The following LIMCH1 variants were observed in gnomAD, a reference collection of about 807,000 sequenced individuals.
LIMCH1 encodes the protein LIM and calponin homology domains 1.
Under a neutral mutation model 176.5 loss-of-function variants are expected in LIMCH1, and 113 were observed. The observed-to-expected ratio is 0.64, with a 90% confidence interval of 0.55 to 0.75. The LOEUF (loss-of-function observed/expected upper bound fraction) is 0.75, where lower values mean the gene tolerates loss of function less well. Ranked by LOEUF, LIMCH1 falls within the 30% of genes least tolerant of loss-of-function variation. The pLI, the probability that LIMCH1 is intolerant of heterozygous loss-of-function variation, is 0.00. For missense variants in LIMCH1, 1,674 were observed against 1,814.9 expected, an observed-to-expected ratio of 0.92 and a Z score of 1.41; for synonymous variants, 619 against 645.9, an observed-to-expected ratio of 0.96 and a Z score of 0.63.
Position 41,360,862 on chromosome 4 carries a change from C to G in LIMCH1, c.22C>G (p.Leu8Val). 1 of 1,575,182 alleles carries G rather than the reference C, an allele frequency of 6.3e-7. No individual in the cohort carries two copies. The highest frequency in any genetic ancestry group is 8.6e-7 in the Non-Finnish European group (1 of 1,163,502). The stretch of plus-strand genomic sequence containing the variant: ...GCAAATGGCTTGTCCCGCTCTCGGT[C>G]TGGAAGCTCTTCAGCCCCTGCAGCC... The change falls in exon 1 of 27, where the codon CTG (leucine) becomes GTG (valine). Residue 8 changes from leucine to valine, a missense_variant. Physicochemically the swap from Leu to Val is conservative, Grantham distance 32. Coordinates refer to the LIMCH1 transcript ENST00000313860. The surrounding 1 kb of genome is among the most constrained non-coding windows in gnomAD (Gnocchi z 4.5).
In LIMCH1 at chr4:41,620,410, G is replaced by A. The variant is rs776474901; in HGVS notation, c.459-14G>A. ...GTCTGTTAGTTTGGTAAACCATATT[G>A]TCCAACTCACTAGCTTTCCTGAAAC... On this transcript the variant is annotated splice_polypyrimidine_tract_variant and intron_variant, in intron 6 of 31. Coordinates refer to ENST00000503057, the MANE Select transcript of LIMCH1 (RefSeq NM_001330672.2). 22 of 1,534,062 alleles carry A rather than the reference G, an allele frequency of 1.4e-5. No individual in the cohort carries two copies. The highest frequency in any genetic ancestry group is 3.9e-5 in the Admixed American group (2 of 50,934).
At chr4:41,448,345 G>A (rs2063492438) in intron 1 of LIMCH1, among the ~76,000 whole-genome samples, 1 of 152,164 alleles carries the variant, frequency 6.6e-6, no homozygotes, top group Non-Finnish European at 1.5e-5. Context: ...GGTGATGTCT[G>A]ATTGAGAAGG....
chr4:41,581,112 G>GTCTGTCTA (rs577625607), intron 1 of LIMCH1, among the ~76,000 whole-genome samples: 4 of 132,986 alleles, frequency 3.0e-5, no homozygotes, highest in South Asian at 5.0e-4. Context: ...CTGTCTGTCT[G>GTCTGTCTA]TCTATCTATC....
intron 1 of LIMCH1, among the ~76,000 whole-genome samples, chr4:41,406,215 T>A (rs1398489681): frequency 6.6e-6 from 1 of 152,270 alleles, no homozygotes; most frequent in South Asian, 2.1e-4. Context: ...ACTGACATTT[T>A]AAAAGCCACT....
At chr4:41,398,531 G>A (rs1283314132) in intron 1 of LIMCH1, among the ~76,000 whole-genome samples, 1 of 152,020 alleles carries the variant, frequency 6.6e-6, no homozygotes, top group Non-Finnish European at 1.5e-5. Context: ...TGTTCAAATG[G>A]GGAGTGAGCA....
At chr4:41,473,603 A>G (rs922939036) in intron 1 of LIMCH1, among the ~76,000 whole-genome samples, 1 of 152,218 alleles carries the variant, frequency 6.6e-6, no homozygotes, top group Non-Finnish European at 1.5e-5. Flanking sequence ...GTACAAAACT[A>G]CTAAAAGAAA....
intron 21 of LIMCH1, among the ~76,000 whole-genome samples, chr4:41,667,434 T>C (rs2094867414): frequency 6.6e-6 from 1 of 152,142 alleles, no homozygotes; most frequent in Non-Finnish European, 1.5e-5. Context: ...GTAATACACA[T>C]ACATAATACT....
rs147913577 is a variant in LIMCH1 at position 41,684,472 on chromosome 4, C to G, written c.3921C>G (p.Thr1307=). 5 of 1,613,688 alleles carry G rather than the reference C, an allele frequency of 3.1e-6. No homozygotes were observed. Among genetic ancestry groups the G allele is most frequent in the South Asian group, 1.1e-5 (1 of 91,050 alleles). ...KGVHEDHQLD[T]EAGAPHCGTN... ...TCCATGAAGACCATCAGCTGGATAC[C>G]GAGGCTGGGGCCCCACACTGTGGAA... Residue 1307 remains threonine (T), a synonymous_variant, in exon 27 of 32, where the codon ACC becomes ACG. Coordinates refer to ENST00000503057, the MANE Select transcript of LIMCH1 (RefSeq NM_001330672.2).
At chr4:41,671,006 A>G in intron 21 of LIMCH1, 2 of 978,514 alleles carry the variant, frequency 2.0e-6, no homozygotes, top group Non-Finnish European at 1.2e-6. Context: ...GTTGATTTCA[A>G]GAATTCAAAG....
chr4:41,516,567 A>G (rs1212503913), intron 2 of LIMCH1, among the ~76,000 whole-genome samples: 1 of 152,190 alleles, frequency 6.6e-6, no homozygotes, highest in African/African-American at 2.4e-5. Context: ...TCCAAAGTCC[A>G]TAATTTCCAG....
chr4:41,575,528 C>G (rs1384706603), intron 1 of LIMCH1, among the ~76,000 whole-genome samples: 1 of 152,194 alleles, frequency 6.6e-6, no homozygotes, highest in Admixed American at 6.5e-5. Context: ...TGAGAACACT[C>G]TGTACTTAGT....
At chr4:41,421,411 A>C (rs1310039343) in intron 1 of LIMCH1, among the ~76,000 whole-genome samples, 1 of 152,194 alleles carries the variant, frequency 6.6e-6, no homozygotes, top group African/African-American at 2.4e-5. Flanking sequence ...TAAGTCTAGT[A>C]ATCTTCCTAC....
intron 1 of LIMCH1, among the ~76,000 whole-genome samples, chr4:41,386,499 A>G (rs1310908001): frequency 7.2e-5 from 11 of 152,258 alleles, no homozygotes; most frequent in Admixed American, 7.2e-4. Context: ...ACCAATTATT[A>G]GCTCTAATTA....
In LIMCH1 at chr4:41,371,379, A is replaced by G. The variant is rs576751548; in HGVS notation, c.96+10443A>G. Among the ~76,000 whole-genome samples the G allele has an allele frequency of 2.6e-5, 4 of 152,342 alleles. No homozygotes were observed. In the South Asian group the frequency reaches 8.3e-4, roughly 32 times the overall value. ...GTTAGGACCATGATGAAAAATCATT[A>G]CAGGAGCCCAATGAACCATCATCAG... On this transcript the variant is annotated intron_variant, in intron 1 of 26. Coordinates refer to the LIMCH1 transcript ENST00000313860.
At chr4:41,667,096 G>C (rs2094853214) in intron 21 of LIMCH1, among the ~76,000 whole-genome samples, 1 of 141,120 alleles carries the variant, frequency 7.1e-6, no homozygotes. Context: ...ACAGAGCTGT[G>C]ACAAAAAAAA....
In LIMCH1 at chr4:41,629,599, A is replaced by G; in HGVS notation, c.1136A>G (p.Lys379Arg). ...CTCAGGAAGGTGCCAGATCTTCACA[A>G]GGATGACCTGGCCCAGCAGAGAATT... ...GGLRKVPDLH[K>R]DDLAQQRIQG... Residue 379 changes from lysine (K) to arginine (R), a missense_variant, in exon 9 of 32, where the codon AAG becomes AGG. Physicochemically the swap from Lys to Arg is conservative, Grantham distance 26. Around this residue, in one of 3 missense-constraint regions of LIMCH1, gnomAD observed 655 missense variants for 692.2 expected, o/e 0.95. Coordinates refer to ENST00000503057, the MANE Select transcript of LIMCH1 (RefSeq NM_001330672.2). 6.5e-7 allele frequency: 1 copy of G among 1,536,114 alleles called. No homozygotes were observed.
rs750852624 is a variant in LIMCH1, at chr4:41,360,969, C to A, written c.96+33C>A. The stretch of plus-strand genomic sequence containing the variant: ...CGGGTGGCTGGCGGGCGGCCTTGCA[C>A]TGGCGCCCTGAGCCACGGACCCGCG... On this transcript the variant is annotated intron_variant, in intron 1 of 26. Coordinates refer to the LIMCH1 transcript ENST00000313860. This position sits in a 1 kb window ranked among gnomAD's most constrained non-coding sequence, Gnocchi z 4.5. 1 of 1,502,078 alleles carries A rather than the reference C, an allele frequency of 6.7e-7. No homozygotes were observed. The highest frequency in any genetic ancestry group is 1.2e-5 in the South Asian group (1 of 81,624). The allele number at this position is 1,502,078 out of a possible 1,614,324, so 93.0% of individuals were successfully genotyped here.
In LIMCH1 at chr4:41,494,357, A is replaced by G. The variant is rs1379205531; in HGVS notation, c.97-179A>G. Reference sequence around the variant, plus strand: ...TACACATACATATATATACATACGTACACATACACATACATATATACACAT... The same window carrying G: ...TACACATACATATATATACATACGTGCACATACACATACATATATACACAT... On this transcript the variant is annotated intron_variant, in intron 1 of 26. Transcript: ENST00000313860. Among the ~76,000 whole-genome samples the G allele has an allele frequency of 3.3e-5, 5 of 150,436 alleles. No homozygotes were observed. In the East Asian group the frequency reaches 9.7e-4, roughly 29 times the overall value.
intron 29 of LIMCH1, among the ~76,000 whole-genome samples, chr4:41,689,323 A>G (rs1723486529): frequency 6.6e-6 from 1 of 152,212 alleles, no homozygotes; most frequent in South Asian, 2.1e-4. Flanking sequence ...GTGGAGACCC[A>G]GTATATTTAG....
Sources: allele counts gnomAD v4.1 joint callset (sites outside exome capture counted in the v4.1 genomes callset), GRCh38; gene constraint gnomAD v4.1.1; regional missense constraint gnomAD v4.1.1; non-coding constraint Gnocchi (gnomAD v3.1); transcripts MANE v1.5; gene names NCBI Gene and HGNC (gene_info 2026-07-23, HGNC 2026-07-21).